SLC1A1: variants seen among roughly 807,000 people sequenced by gnomAD.
SLC1A1 encodes excitatory amino acid transporter 3.
A neutral mutation model predicts 53.3 loss-of-function variants in SLC1A1; 43 were observed. The ratio of observed to expected loss-of-function variants is 0.81; its 90% CI spans 0.63 to 1.04. The LOEUF is 1.04. Ranked by LOEUF, SLC1A1 falls within the 50% of genes least tolerant of loss-of-function variation. The pLI, the probability that SLC1A1 is intolerant of heterozygous loss-of-function variation, is 0.00. For missense variants in SLC1A1, 748 were observed against 664.9 expected, an observed-to-expected ratio of 1.12 and a Z score of -1.37; for synonymous variants, 307 against 243.2, an observed-to-expected ratio of 1.26 and a Z score of -2.44.
intron 4 of SLC1A1, among the ~76,000 whole-genome samples, chr9:4,565,273 A>ATTATGTAAACCAGTAATTATCATAT (rs756363630): frequency 5.9e-5 from 9 of 152,238 alleles, no homozygotes; most frequent in East Asian, 1.9e-4. Flanking sequence ...TATGAAATGC[A>ATTATGTAAACCAGTAATTATCATAT]GTAATTATGA....
intron 1 of SLC1A1, among the ~76,000 whole-genome samples, chr9:4,535,503 G>T (rs188410124): frequency 6.6e-6 from 1 of 152,132 alleles, no homozygotes; most frequent in Non-Finnish European, 1.5e-5. Flanking sequence ...ACTTATAAGG[G>T]ATGTGAAGGA....
At chr9:4,579,334 T>TC (rs897495173) in intron 10 of SLC1A1, among the ~76,000 whole-genome samples, 8 of 152,244 alleles carry the variant, frequency 5.3e-5, no homozygotes, top group Admixed American at 1.3e-4. Flanking sequence ...AAGGGTTTTT[T>TC]CCCACTTCCC....
In SLC1A1 at chr9:4,574,011, C is replaced by G. The variant is rs375864222; in HGVS notation, c.872C>G (p.Thr291Ser). The change falls in exon 8 of 12, where the codon ACT (threonine) becomes AGT (serine). Residue 291 changes from threonine to serine, a missense_variant. Thr to Ser is a moderately conservative substitution (Grantham distance 58, BLOSUM62 1). Coordinates refer to ENST00000262352, the MANE Select transcript of SLC1A1 (RefSeq NM_004170.6). ...KLGLYMATVL[T>S]GLAIHSIVIL... ...GGCCTTTACATGGCCACAGTCCTGA[C>G]TGGGTATGTCAGACTCAAGAGAAGA... 3.8e-6 allele frequency: 6 copies of G among 1,594,644 alleles called. No homozygotes were observed.
intron 2 of SLC1A1, among the ~76,000 whole-genome samples, chr9:4,547,919 A>G (rs994394531): frequency 1.3e-5 from 2 of 152,144 alleles, no homozygotes; most frequent in African/African-American, 4.8e-5. Context: ...AAAGTGGGAA[A>G]ATAAAATTAC....
intron 1 of SLC1A1, among the ~76,000 whole-genome samples, chr9:4,493,568 T>C (rs919819050): frequency 8.5e-5 from 13 of 152,228 alleles, no homozygotes; most frequent in African/African-American, 3.1e-4. Context: ...ATTTATTAAC[T>C]ATCATGACAA....
chr9:4,509,687 A>G (rs1354893860), intron 1 of SLC1A1, among the ~76,000 whole-genome samples: 1 of 152,212 alleles, frequency 6.6e-6, no homozygotes, highest in African/African-American at 2.4e-5. Flanking sequence ...TGCACAGAGC[A>G]GGACAAAGAA....
chr9:4,532,699 G>A (rs1464664045), intron 1 of SLC1A1, among the ~76,000 whole-genome samples: 1 of 152,092 alleles, frequency 6.6e-6, no homozygotes, highest in Non-Finnish European at 1.5e-5. Context: ...TTCAAATTCA[G>A]GAAATACAGA....
chr9:4,579,235 G>A (rs1820840420), intron 10 of SLC1A1, among the ~76,000 whole-genome samples: 1 of 152,204 alleles, frequency 6.6e-6, no homozygotes. Context: ...CAGAGGGTAT[G>A]TCAAAATTGA....
rs374361609 is a variant in SLC1A1 at position 4,527,758 on chromosome 9, G to A, written c.92-16809G>A. Among the ~76,000 whole-genome samples the A allele has an allele frequency of 3.2e-4, 49 of 151,974 alleles. No homozygotes were observed. In the South Asian group the frequency reaches 9.6e-3, roughly 30 times the overall value. ...TGAGTTTTGAGACCATTTTCTTACC[G>A]TTTTGAAGCCATACTATGGGGCTCA... On this transcript the variant is annotated intron_variant, in intron 1 of 11. Transcript: ENST00000262352.
At chr9:4,576,364 G>A (rs940427369) in intron 9 of SLC1A1, among the ~76,000 whole-genome samples, 1 of 152,238 alleles carries the variant, frequency 6.6e-6, no homozygotes, top group South Asian at 2.1e-4. Flanking sequence ...GGTGGGCACA[G>A]CACCTTCTGA....
chr9:4,532,666 C>G (rs1159798978), intron 1 of SLC1A1, among the ~76,000 whole-genome samples: 1 of 152,104 alleles, frequency 6.6e-6, no homozygotes, highest in Non-Finnish European at 1.5e-5. Flanking sequence ...AGAACTTCCC[C>G]AACCCAGCAA....
At chr9:4,542,322 C>T (rs1817088996) in intron 1 of SLC1A1, among the ~76,000 whole-genome samples, 1 of 152,130 alleles carries the variant, frequency 6.6e-6, no homozygotes, top group Non-Finnish European at 1.5e-5. Flanking sequence ...CCTTTTATTG[C>T]TTTCAAGCTA....
chr9:4,581,033 A>C (rs796872807), intron 10 of SLC1A1, among the ~76,000 whole-genome samples: 2 of 152,206 alleles, frequency 1.3e-5, no homozygotes. Flanking sequence ...CCTTACGTGT[A>C]TTAACCTCAT....
chr9:4,563,611 C>A (rs771589862), intron 3 of SLC1A1, among the ~76,000 whole-genome samples: 2 of 152,156 alleles, frequency 1.3e-5, no homozygotes, highest in Non-Finnish European at 2.9e-5. Flanking sequence ...TTCTTCTTCA[C>A]TTCCCTCCAG....
At chr9:4,517,273 C>G (rs1028086831) in intron 1 of SLC1A1, among the ~76,000 whole-genome samples, 1 of 152,184 alleles carries the variant, frequency 6.6e-6, no homozygotes, top group South Asian at 2.1e-4. Flanking sequence ...CTTTCTTAAT[C>G]TCACCTAGTG....
At chr9:4,545,819 G>A (rs985277458) in intron 2 of SLC1A1, among the ~76,000 whole-genome samples, 10 of 152,100 alleles carry the variant, frequency 6.6e-5, no homozygotes, top group African/African-American at 2.4e-4. Flanking sequence ...AGATGAATTT[G>A]GTTTACAAAA....
At position 4,531,556 on chromosome 9, in the gene SLC1A1, G is replaced by C. The variant is rs368530767; in HGVS notation, c.92-13011G>C. On this transcript the variant is annotated intron_variant, in intron 1 of 11. Coordinates refer to ENST00000262352, the MANE Select transcript of SLC1A1 (RefSeq NM_004170.6). ...GCTTGAGTAGGTAAACAAAGCAGCC[G>C]GGAAGCTCGAACTGGGTGGAGCCCA... Among the ~76,000 whole-genome samples, 8 of 152,282 alleles carry C rather than the reference G, an allele frequency of 5.3e-5. 1 individual carries two copies. The South Asian group carries it at 1.0e-3, about 20-fold the overall frequency.
intron 6 of SLC1A1, among the ~76,000 whole-genome samples, chr9:4,568,629 G>A (rs1413400785): frequency 2.0e-5 from 3 of 151,314 alleles, no homozygotes; most frequent in African/African-American, 7.3e-5. Flanking sequence ...GCTGAGGCAG[G>A]AGGATCGTTT....
rs763597716 is a variant in SLC1A1, at chr9:4,585,299, C to T, written c.1329-13C>T. 5.6e-6 allele frequency: 9 copies of T among 1,612,892 alleles called. No homozygotes were observed. The highest frequency in any genetic ancestry group is 3.3e-5 in the Admixed American group (2 of 60,004). On this transcript the variant is annotated splice_polypyrimidine_tract_variant and intron_variant, in intron 11 of 11. Coordinates refer to ENST00000262352, the MANE Select transcript of SLC1A1 (RefSeq NM_004170.6). Reference sequence around the variant, plus strand: ...TCTGGGCCTCCTGTCTGACTCCTCCCGTCTCTCCCCAGGGACCGGTTCAGG... The same window carrying T: ...TCTGGGCCTCCTGTCTGACTCCTCCTGTCTCTCCCCAGGGACCGGTTCAGG...
Sources: gnomAD v4.1 joint callset for allele counts (sites outside exome capture counted in the v4.1 genomes callset) on GRCh38, gnomAD v4.1.1 for gene constraint, MANE v1.5 for transcripts, NCBI Gene and HGNC (gene_info 2026-07-23, HGNC 2026-07-21) for gene names.